The following GRIP1 variants were observed in gnomAD, a reference collection of about 807,000 sequenced individuals.
GRIP1 encodes glutamate receptor interacting protein 1.
Under a neutral mutation model 129.9 loss-of-function variants are expected in GRIP1, and 45 were observed. The observed-to-expected ratio is 0.35, with a 90% CI of 0.27 to 0.44. GRIP1 has a LOEUF of 0.44. GRIP1 is among the 20% of genes least tolerant of loss of function. The pLI is 1.00. For synonymous variants in GRIP1, 530 were observed against 520.8 expected (o/e 1.02, Z -0.24); for missense variants, 1,196 against 1,396.8 (o/e 0.86, Z 2.29).
intron 1 of GRIP1, chr12:66,630,448 CTT>C (rs2030641554): frequency 6.6e-6 from 1 of 151,966 alleles, no homozygotes; most frequent in Non-Finnish European, 1.5e-5. Flanking sequence ...GGCTTAAGTT[CTT>C]ATGGGGCAAA....
At chr12:66,943,059 C>T (rs12099740) in intron 1 of GRIP1, among the ~76,000 whole-genome samples, 10,572 of 152,182 alleles carry the variant, frequency 0.069, 356 homozygotes, top group South Asian at 0.088. Flanking sequence ...CTAATAGCCC[C>T]AATGGACTAA....
chr12:66,502,606 T>C (rs2060421738), intron 7 of GRIP1, among the ~76,000 whole-genome samples: 1 of 152,140 alleles, frequency 6.6e-6, no homozygotes, highest in African/African-American at 2.4e-5. Context: ...TATAGTGTGT[T>C]CTCATAAGAT....
At chr12:66,644,115 G>A (rs11176358) in intron 1 of GRIP1, among the ~76,000 whole-genome samples, 3,301 of 152,176 alleles carry the variant, frequency 0.022, 119 homozygotes, top group African/African-American at 0.075. Flanking sequence ...CAGATCTTGT[G>A]AGACTTATTC....
intron 1 of GRIP1, among the ~76,000 whole-genome samples, chr12:66,741,750 T>A (rs1047382008): frequency 6.6e-6 from 1 of 152,210 alleles, no homozygotes; most frequent in African/African-American, 2.4e-5. Context: ...TTGGACTAGC[T>A]ACATTTCAAA....
chr12:67,018,842 C>T (rs558100892), intron 1 of GRIP1, among the ~76,000 whole-genome samples: 12 of 152,178 alleles, frequency 7.9e-5, no homozygotes, highest in African/African-American at 1.2e-4. Context: ...TGGAAAACCA[C>T]GGACCCACAG....
upstream of GRIP1, among the ~76,000 whole-genome samples, chr12:66,683,418 C>A (rs1396861144): frequency 6.6e-6 from 1 of 152,010 alleles, no homozygotes; most frequent in Non-Finnish European, 1.5e-5. Context: ...AAAGCAAGAC[C>A]CAATTTGCTG....
At chr12:66,372,055 T>G (rs1366214284) in intron 22 of GRIP1, 128 bp from the exon 23 acceptor site, 1 of 703,792 alleles carries the variant, frequency 1.4e-6, no homozygotes, top group African/African-American at 1.8e-5. Context: ...AACCAAAGGC[T>G]GGAAAATGGA....
intron 1 of GRIP1, among the ~76,000 whole-genome samples, chr12:66,959,845 A>C (rs1036935574): frequency 6.6e-6 from 1 of 152,170 alleles, no homozygotes; most frequent in African/African-American, 2.4e-5. Context: ...TAATTAGCTT[A>C]ATATAAGCAT....
chr12:66,815,915 G>C (rs2039210984), intron 1 of GRIP1, among the ~76,000 whole-genome samples: 1 of 150,196 alleles, frequency 6.7e-6, no homozygotes, highest in Admixed American at 6.7e-5. Context: ...CTGAGTGGTG[G>C]GAGAGAGGAG....
At chr12:66,572,852 G>A (rs2063009801) in intron 2 of GRIP1, among the ~76,000 whole-genome samples, 1 of 152,070 alleles carries the variant, frequency 6.6e-6, no homozygotes, top group East Asian at 1.9e-4. Flanking sequence ...GCCTGACTTG[G>A]TATGCCATGG....
intron 14 of GRIP1, among the ~76,000 whole-genome samples, chr12:66,426,944 C>T (rs1242653302): frequency 6.6e-6 from 1 of 152,192 alleles, no homozygotes; most frequent in Non-Finnish European, 1.5e-5. Flanking sequence ...GTCCAAAGAA[C>T]TCTCTATTGC....
chr12:66,991,232 C>T (rs1345264558), intron 1 of GRIP1, among the ~76,000 whole-genome samples: 1 of 152,042 alleles, frequency 6.6e-6, no homozygotes, highest in African/African-American at 2.4e-5. Flanking sequence ...GAGATCACGC[C>T]ACTGCACTCA....
intron 1 of GRIP1, among the ~76,000 whole-genome samples, chr12:66,858,669 T>C (rs1040618320): frequency 2.6e-4 from 40 of 151,992 alleles, no homozygotes; most frequent in Admixed American, 2.6e-3. Context: ...AATAGGCTTC[T>C]TTCGGAGTTG....
intron 1 of GRIP1, among the ~76,000 whole-genome samples, chr12:66,729,145 C>T (rs2036349092): frequency 6.6e-6 from 1 of 151,938 alleles, no homozygotes; most frequent in South Asian, 2.1e-4. Flanking sequence ...ACCTTGGCCT[C>T]CAGGGTAGCT....
At chr12:67,020,896 T>C (rs1312258888) in intron 1 of GRIP1, among the ~76,000 whole-genome samples, 1 of 151,810 alleles carries the variant, frequency 6.6e-6, no homozygotes, top group Non-Finnish European at 1.5e-5. Flanking sequence ...GTCCAGGAGT[T>C]CAAGACCAGC....
intron 1 of GRIP1, among the ~76,000 whole-genome samples, chr12:66,956,779 A>G (rs2041848139): frequency 6.6e-6 from 1 of 152,158 alleles, no homozygotes; most frequent in Non-Finnish European, 1.5e-5. Context: ...GTTTGTCACT[A>G]CTACTGGGAT....
chr12:67,003,170 C>CCTCTTTTCCTCCTCTTTTCT, intron 1 of GRIP1, among the ~76,000 whole-genome samples: 1 of 152,144 alleles, frequency 6.6e-6, no homozygotes, highest in African/African-American at 2.4e-5. Context: ...TATCATCTCA[C>CCTCTTTTCCTCCTCTTTTCT]CCTCTTTTCC....
intron 1 of GRIP1, among the ~76,000 whole-genome samples, chr12:66,685,966 A>G (rs910173826): frequency 6.6e-5 from 10 of 152,202 alleles, no homozygotes; most frequent in Admixed American, 2.6e-4. Context: ...CTTTTGTCGA[A>G]TAAATAAATG....
intron 14 of GRIP1, among the ~76,000 whole-genome samples, chr12:66,432,148 A>T (rs1426116062): frequency 2.0e-5 from 3 of 152,176 alleles, no homozygotes; most frequent in African/African-American, 7.2e-5. Flanking sequence ...AATAATTCAC[A>T]ATATAAAATG....
Sources: allele counts gnomAD v4.1 joint callset (sites outside exome capture counted in the v4.1 genomes callset), GRCh38; gene constraint gnomAD v4.1.1; transcripts MANE v1.5; gene names NCBI Gene and HGNC (gene_info 2026-07-23, HGNC 2026-07-21).